NUGGC: variants seen among roughly 807,000 people sequenced by gnomAD.
The protein encoded by NUGGC is nuclear GTPase SLIP-GC.
In NUGGC, 58 loss-of-function variants were observed where a neutral mutation model predicts 92.6. That is an observed-to-expected ratio of 0.63 (90% confidence interval 0.51 to 0.78). The LOEUF is 0.78. NUGGC is among the 30% of genes least tolerant of loss of function. NUGGC has a pLI of 0.00. For synonymous variants in NUGGC, 376 were observed against 366.4 expected (o/e 1.03, Z -0.30); for missense variants, 925 against 964.6 (o/e 0.96, Z 0.54).
chr8:28,061,229 G>A (rs1349749578), intron 7 of NUGGC, among the ~76,000 whole-genome samples: 9 of 152,230 alleles, frequency 5.9e-5, no homozygotes, highest in South Asian at 4.1e-4. Context: ...TGCACGTTTA[G>A]TTCAATGCCA....
intron 10 of NUGGC, among the ~76,000 whole-genome samples, chr8:28,048,311 C>T (rs1475919026): frequency 2.0e-5 from 3 of 152,112 alleles, no homozygotes; most frequent in Non-Finnish European, 4.4e-5. Context: ...GAAATGTATC[C>T]CCCTCCAAAA....
chr8:28,039,044 C>T (rs187534821), intron 13 of NUGGC, among the ~76,000 whole-genome samples: 4 of 152,258 alleles, frequency 2.6e-5, no homozygotes, highest in Non-Finnish European at 4.4e-5. Context: ...CACGCCCAAC[C>T]GCATGGAAGA....
intron 1 of NUGGC, among the ~76,000 whole-genome samples, chr8:28,078,108 A>C (rs1810766740): frequency 6.6e-6 from 1 of 152,352 alleles, no homozygotes; most frequent in South Asian, 2.1e-4. Context: ...CATGCAATGA[A>C]GACAGAAAAC....
rs1234180684 is a variant in NUGGC, at chr8:28,027,115, A to T, written c.2155-63T>A. 3.1e-6 allele frequency: 4 copies of T among 1,309,862 alleles called. No individual in the cohort carries two copies. The African/African-American group carries it at 5.8e-5, about 19-fold the overall frequency. 81.1% of individuals were successfully genotyped at this position (1,309,862 alleles called of 1,614,324 possible). On this transcript the variant is annotated intron_variant, in intron 17 of 18. Transcript: ENST00000413272. ...AGCCCAAGGAAAAGTGGATCTTATA[A>T]AAGGGACCCCACCCAGTCCCCCAGC...
intron 16 of NUGGC, 40 bp downstream of exon 16, chr8:28,030,270 T>C: frequency 9.1e-7 from 1 of 1,101,492 alleles, no homozygotes; most frequent in Admixed American, 2.0e-5. Context: ...TGACAGAAAG[T>C]CCCAGAGCAG....
chr8:28,040,906 A>C, intron 13 of NUGGC, 145 bp downstream of exon 13: 1 of 734,946 alleles, frequency 1.4e-6, no homozygotes, highest in Non-Finnish European at 2.2e-6. Context: ...CGGCCTCCCA[A>C]AGTGCTGGGA....
At chr8:28,072,060 G>A (rs1285960868) in intron 2 of NUGGC, among the ~76,000 whole-genome samples, 1 of 152,186 alleles carries the variant, frequency 6.6e-6, no homozygotes, top group East Asian at 1.9e-4. Context: ...GCATCTTCCA[G>A]TAGAAATGGA....
intron 5 of NUGGC, 124 bp from the exon 6 acceptor site, chr8:28,067,868 T>C: frequency 1.4e-6 from 1 of 733,622 alleles, no homozygotes. Flanking sequence ...CTAGGTCATC[T>C]ATCTGGGGTC....
intron 15 of NUGGC, 132 bp downstream of exon 15, chr8:28,031,111 C>A (rs905337088): frequency 2.0e-6 from 2 of 983,046 alleles, no homozygotes; most frequent in Non-Finnish European, 3.1e-6. Flanking sequence ...TATTTCACAG[C>A]GCCTCCTAGG....
chr8:28,034,195 G>C (rs1337266535), intron 13 of NUGGC, among the ~76,000 whole-genome samples: 1 of 152,186 alleles, frequency 6.6e-6, no homozygotes, highest in East Asian at 1.9e-4. Context: ...TAAACTTTTT[G>C]TTAAACTTTT....
intron 1 of NUGGC, among the ~76,000 whole-genome samples, chr8:28,075,800 A>C (rs1004975305): frequency 1.3e-5 from 2 of 152,172 alleles, no homozygotes; most frequent in African/African-American, 2.4e-5. Flanking sequence ...ATGGGGTGAG[A>C]ACCCCTATTA....
At chr8:28,052,212 A>C (rs1810024685) in intron 10 of NUGGC, among the ~76,000 whole-genome samples, 1 of 152,180 alleles carries the variant, frequency 6.6e-6, no homozygotes, top group African/African-American at 2.4e-5. Context: ...ATCAATACTA[A>C]GAGGCACATT....
intron 12 of NUGGC, among the ~76,000 whole-genome samples, chr8:28,044,141 C>T (rs982687180): frequency 2.0e-5 from 3 of 152,146 alleles, no homozygotes; most frequent in Non-Finnish European, 4.4e-5. Context: ...CTTGCCACCC[C>T]ACAGGGTCAT....
chr8:28,070,267 T>C lies in NUGGC; in HGVS notation c.133A>G (p.Ser45Gly), dbSNP rs1269287192. 2 of 1,552,684 alleles carry C rather than the reference T, an allele frequency of 1.3e-6. No homozygotes were observed. Among genetic ancestry groups the C allele is most frequent in the African/African-American group, 2.7e-5 (2 of 73,316 alleles). The change falls in exon 3 of 19, where the codon AGT becomes GGT. Residue 45 changes from serine (S) to glycine (G), a missense_variant. Ser to Gly is a moderately conservative substitution (Grantham distance 56). Transcript: ENST00000413272. Reference protein sequence around the residue: ...RFRAFPSMEQSALKEYEKLES... With the variant: ...RFRAFPSMEQGALKEYEKLES... ...AGACACTCACATTCCTTAAGAGCAC[T>C]CTGCTCCATGGAGGGAAATGCTCGG...
intron 11 of NUGGC, among the ~76,000 whole-genome samples, chr8:28,047,245 C>T (rs1017557597): frequency 6.6e-6 from 1 of 152,184 alleles, no homozygotes; most frequent in Non-Finnish European, 1.5e-5. Context: ...GCTGGAATTA[C>T]AGGTGTGAGC....
Position 28,068,251 on chromosome 8 carries a change from G to C in NUGGC, c.445C>G (p.Gln149Glu). The change falls in exon 5 of 19, where the codon CAG becomes GAG. Residue 149 changes from glutamine (Q) to glutamate (E), a missense_variant. By Grantham distance (29) the Gln-to-Glu change is conservative. Coordinates refer to ENST00000413272, the MANE Select transcript of NUGGC (RefSeq NM_001010906.2). ...IVQVSSGCCV[Q>E]YEAKIHLLSD... ...AGAAGGTGGATTTTGGCCTCATACTGCACACAGCAGCCAGAGCTCACTTGT... is the reference window on the plus strand; with the variant it reads ...AGAAGGTGGATTTTGGCCTCATACTCCACACAGCAGCCAGAGCTCACTTGT... 2.6e-6 allele frequency: 4 copies of C among 1,550,360 alleles called. No homozygotes were observed. Among genetic ancestry groups the C allele is most frequent in the Non-Finnish European group, 3.5e-6 (4 of 1,146,942 alleles).
At chr8:28,061,791 G>T (rs935788664) in intron 7 of NUGGC, among the ~76,000 whole-genome samples, 1 of 152,052 alleles carries the variant, frequency 6.6e-6, no homozygotes, top group Non-Finnish European at 1.5e-5. Flanking sequence ...ACAACCTTGG[G>T]GGGGTACTTG....
intron 2 of NUGGC, among the ~76,000 whole-genome samples, chr8:28,073,185 T>TC (rs1810634490): frequency 6.7e-6 from 1 of 149,560 alleles, no homozygotes; most frequent in Non-Finnish European, 1.5e-5. Context: ...TTTCTTTTTT[T>TC]TTTTTTTTCC....
chr8:28,035,354 G>A (rs1809528602), intron 13 of NUGGC, among the ~76,000 whole-genome samples: 1 of 152,162 alleles, frequency 6.6e-6, no homozygotes, highest in African/African-American at 2.4e-5. Flanking sequence ...AGGGATCTGT[G>A]GGTCAGGACT....
Sources: allele counts gnomAD v4.1 joint callset (sites outside exome capture counted in the v4.1 genomes callset), GRCh38; gene constraint gnomAD v4.1.1; transcripts MANE v1.5; gene names NCBI Gene and HGNC (gene_info 2026-07-23, HGNC 2026-07-21).